The following SLC5A12 variants were observed in gnomAD, a reference collection of about 807,000 sequenced individuals.
SLC5A12 encodes the protein sodium-coupled monocarboxylate transporter 2.
SLC5A12 carries 46 observed loss-of-function variants against 72.7 expected under a neutral mutation model. The observed-to-expected ratio is 0.63, with a 90% CI of 0.50 to 0.81. SLC5A12 has a LOEUF of 0.81. SLC5A12 is among the 30% of genes least tolerant of loss of function. The probability of loss-of-function intolerance (pLI) is 0.00; values close to 1 mark genes in which losing one functional copy is unlikely to be tolerated. For synonymous variants in SLC5A12, 275 were observed against 264.4 expected (o/e 1.04, Z -0.39); for missense variants, 683 against 740.7 (o/e 0.92, Z 0.90).
rs142328311 is a variant in SLC5A12 at position 26,720,324 on chromosome 11, C to CATAAATAAATAAATAAATAA, written c.339+1032_339+1051dup. On this transcript the variant is annotated intron_variant, in intron 1 of 14. Transcript: ENST00000396005. ...GGGAAACATAGCAAAAGCCCCATCT[C>CATAAATAAATAAATAAATAA]ATAAATAAATAAATAAATAAATAAA... Among the ~76,000 whole-genome samples the CATAAATAAATAAATAAATAA allele has an allele frequency of 1.2e-3, 167 of 145,166 alleles. 1 individual carries two copies. Among genetic ancestry groups the CATAAATAAATAAATAAATAA allele is most frequent in the Admixed American group, 1.5e-3 (21 of 14,478 alleles).
At position 26,667,785 on chromosome 11, in the gene SLC5A12, C is replaced by A. The variant is rs1049431899; in HGVS notation, c.*3317G>T. On this transcript the variant is annotated 3_prime_UTR_variant, in exon 15 of 15. Coordinates refer to ENST00000396005, the MANE Select transcript of SLC5A12 (RefSeq NM_178498.4). Reference sequence around the variant, plus strand: ...TTAAACTCTGGCATTAAAAAAACTACTCTTTGGAAATTTAGGCATGACTTT... The same window carrying A: ...TTAAACTCTGGCATTAAAAAAACTAATCTTTGGAAATTTAGGCATGACTTT... 6 of 151,872 alleles carry A rather than the reference C, an allele frequency of 4.0e-5. No individual in the cohort carries two copies. The highest frequency in any genetic ancestry group is 1.5e-4 in the African/African-American group (6 of 41,368). 9.4% of individuals were successfully genotyped at this position (151,872 alleles called of 1,614,324 possible).
intron 13 of SLC5A12, among the ~76,000 whole-genome samples, 154 bp from the exon 14 acceptor site, chr11:26,673,683 G>A (rs1346641137): frequency 6.6e-6 from 1 of 152,150 alleles, no homozygotes; most frequent in Admixed American, 6.5e-5. Context: ...GTTAACTGCT[G>A]AAAGGGGTGG....
Position 26,692,558 on chromosome 11 carries a change from CA to C in SLC5A12, c.1083del (p.Phe361LeufsTer16), listed in dbSNP as rs1265479136. ...GGAAAACAGCTCTTGACAAAATCCT[CA>C]AAGGTCACTGTTGCCAAGGCATTGA... Reference protein sequence around the residue: ...SSINALATVTFEDFVKSCFPH... With the variant: ...SSINALATVTXEDFVKSCFPH... On this transcript the variant is annotated frameshift_variant, in exon 9 of 15. Transcript: ENST00000396005. LOFTEE classifies it high-confidence loss of function. 1.2e-6 allele frequency: 2 copies of C among 1,614,042 alleles called. No homozygotes were observed.
At chr11:26,720,923 C>G (rs1321332235) in intron 1 of SLC5A12, among the ~76,000 whole-genome samples, 2 of 152,136 alleles carry the variant, frequency 1.3e-5, no homozygotes, top group African/African-American at 2.4e-5. Context: ...AGTAGAGATA[C>G]AGAAAAAATT....
chr11:26,677,975 C>G (rs34814818), intron 13 of SLC5A12, among the ~76,000 whole-genome samples: 1 of 152,290 alleles, frequency 6.6e-6, no homozygotes, highest in African/African-American at 2.4e-5. Flanking sequence ...CTACCAACCC[C>G]TCATGGGCTT....
rs187368072 is a variant in SLC5A12, at chr11:26,670,799, C to G, written c.*303G>C. ...ACCTGAAGTTTAATATGACACCAAG[C>G]AAAAAGACTTCGCTTTCTTGAATGG... On this transcript the variant is annotated 3_prime_UTR_variant, in exon 15 of 15. Coordinates refer to ENST00000396005, the MANE Select transcript of SLC5A12 (RefSeq NM_178498.4). The G allele has an allele frequency of 4.5e-6, 1 of 223,640 alleles. No individual in the cohort carries two copies. The highest frequency in any genetic ancestry group is 2.3e-5 in the African/African-American group (1 of 44,108). The allele number at this position is 223,640 out of a possible 1,614,324, so 13.9% of individuals were successfully genotyped here. A position where few individuals can be genotyped will look rare whatever the true frequency, so the allele number is the denominator to read the frequency against.
At chr11:26,716,263 G>C (rs953700837) in intron 1 of SLC5A12, 1 of 152,134 alleles carries the variant, frequency 6.6e-6, no homozygotes, top group African/African-American at 2.4e-5. Flanking sequence ...AAAGCTATAT[G>C]AATAAAGACC....
At chr11:26,692,390 G>A (rs926806744) in intron 9 of SLC5A12, 99 bp downstream of exon 9, 8 of 776,190 alleles carry the variant, frequency 1.0e-5, no homozygotes, top group African/African-American at 1.7e-5. Context: ...CAGTGCATTT[G>A]TGTTTATAAG....
intron 14 of SLC5A12, among the ~76,000 whole-genome samples, chr11:26,672,220 C>G (rs987307651): frequency 2.0e-5 from 3 of 152,104 alleles, no homozygotes; most frequent in Non-Finnish European, 2.9e-5. Flanking sequence ...ATAAACTCAG[C>G]TTTAGGTGAT....
chr11:26,703,508 A>AT lies in SLC5A12; in HGVS notation c.821+22dup, dbSNP rs1358928853. 4 of 1,610,310 alleles carry AT rather than the reference A, an allele frequency of 2.5e-6. No individual in the cohort carries two copies. In the African/African-American group the frequency reaches 4.0e-5, roughly 16 times the overall value. ...AAATAAGGTAAGATAAAACATTAAA[A>AT]TTTTTCTTGACTGAGAACTTACAGC... On this transcript the variant is annotated intron_variant, in intron 6 of 14. Coordinates refer to ENST00000396005, the MANE Select transcript of SLC5A12 (RefSeq NM_178498.4).
intron 9 of SLC5A12, among the ~76,000 whole-genome samples, chr11:26,688,168 G>A (rs1854582535): frequency 6.6e-6 from 1 of 152,214 alleles, no homozygotes; most frequent in African/African-American, 2.4e-5. Flanking sequence ...TAGGCAGGAA[G>A]TTTAGGAGAA....
At chr11:26,703,067 G>T (rs993750975) in intron 6 of SLC5A12, among the ~76,000 whole-genome samples, 1 of 151,918 alleles carries the variant, frequency 6.6e-6, no homozygotes, top group Admixed American at 6.6e-5. Context: ...ACTTCTATTT[G>T]GTAACTGCCT....
Position 26,703,822 on chromosome 11 carries a change from T to G in SLC5A12, c.651A>C (p.Ser217=). The change falls in exon 5 of 15, where the codon TCA becomes TCC. Residue 217 remains serine, a synonymous_variant. Transcript: ENST00000396005. ...AGGFHNVLEQ[S]TNGSRLHIFD... ...ATATATGTAGTCGAGATCCATTTGTTGATTGCTCTAATACATTGTGGAATC... is the reference window on the plus strand; with the variant it reads ...ATATATGTAGTCGAGATCCATTTGTGGATTGCTCTAATACATTGTGGAATC... 6.2e-7 allele frequency: 1 copy of G among 1,613,958 alleles called. No individual in the cohort carries two copies. Among genetic ancestry groups the G allele is most frequent in the Non-Finnish European group, 8.5e-7 (1 of 1,179,880 alleles).
chr11:26,676,063 A>G (rs1041923468), intron 13 of SLC5A12, among the ~76,000 whole-genome samples: 1 of 152,112 alleles, frequency 6.6e-6, no homozygotes, highest in African/African-American at 2.4e-5. Flanking sequence ...ATCAGAAATT[A>G]GAATGGTATC....
At position 26,683,739 on chromosome 11, in the gene SLC5A12, G is replaced by A. The variant is rs376574221; in HGVS notation, c.1308+18C>T. 2.7e-4 allele frequency: 426 copies of A among 1,564,500 alleles called. 2 individuals are homozygous for A. In the African/African-American group the frequency reaches 3.5e-3, roughly 13 times the overall value. ...CAGTTTTGACTGGGAATTGTGAAGA[G>A]GGCTGTGGGATCCTTACCTTCCAAT... is the stretch of plus-strand genomic sequence containing the variant. On this transcript the variant is annotated intron_variant, in intron 11 of 14. Coordinates refer to ENST00000396005, the MANE Select transcript of SLC5A12 (RefSeq NM_178498.4).
chr11:26,712,842 A>C, intron 1 of SLC5A12, 136 bp from the exon 2 acceptor site: 1 of 409,726 alleles, frequency 2.4e-6, no homozygotes, highest in Non-Finnish European at 4.4e-6. Context: ...CCTTAGAAGC[A>C]ACAGGAATAA....
intron 6 of SLC5A12, among the ~76,000 whole-genome samples, chr11:26,703,048 C>G (rs535696649): frequency 3.6e-4 from 55 of 152,250 alleles, no homozygotes; most frequent in African/African-American, 1.3e-3. Context: ...TCAGTGGAGG[C>G]CTTCAGCTAC....
chr11:26,719,184 CAG>C (rs1232563507), intron 1 of SLC5A12, among the ~76,000 whole-genome samples: 4 of 152,114 alleles, frequency 2.6e-5, no homozygotes, highest in Admixed American at 6.6e-5. Context: ...AATTTTAAGA[CAG>C]TGTTTTTATT....
chr11:26,707,577 A>T lies in SLC5A12; in HGVS notation c.525+1735T>A, dbSNP rs996148767. Among the ~76,000 whole-genome samples, 6 of 151,958 alleles carry T rather than the reference A, an allele frequency of 3.9e-5. No individual in the cohort carries two copies. The East Asian group carries it at 1.2e-3, about 29-fold the overall frequency. ...TTCCATCATACTCATTGTCTCTTCAAATACATTTGCTCTTTATCATAATCA... is the reference window on the plus strand; with the variant it reads ...TTCCATCATACTCATTGTCTCTTCATATACATTTGCTCTTTATCATAATCA... On this transcript the variant is annotated intron_variant, in intron 4 of 14. Transcript: ENST00000396005.
Sources: gnomAD v4.1 joint callset for allele counts (sites outside exome capture counted in the v4.1 genomes callset) on GRCh38, gnomAD v4.1.1 for gene constraint, MANE v1.5 for transcripts, NCBI Gene and HGNC (gene_info 2026-07-23, HGNC 2026-07-21) for gene names.